Variants in RIMS2 observed in about 807,000 individuals in gnomAD.
RIMS2 encodes regulating synaptic membrane exocytosis 2, also known as regulating synaptic membrane exocytosis protein 2.
A neutral mutation model predicts 174.4 loss-of-function variants in RIMS2; 59 were observed. The observed-to-expected ratio is 0.34, with a 90% CI of 0.27 to 0.42. RIMS2 has a LOEUF of 0.42. Among genes scored for constraint, RIMS2 ranks in the 10% least tolerant of loss-of-function variants. The probability of loss-of-function intolerance (pLI) is 1.00; values close to 1 mark genes in which losing one functional copy is unlikely to be tolerated. For synonymous variants in RIMS2, 606 were observed against 572.5 expected (o/e 1.06, Z -0.84); for missense variants, 1,620 against 1,666.3 (o/e 0.97, Z 0.48).
At chr8:104,055,742 G>T (rs1351493715) in intron 19 of RIMS2, among the ~76,000 whole-genome samples, 1 of 152,110 alleles carries the variant, frequency 6.6e-6, no homozygotes, top group Admixed American at 6.5e-5. Flanking sequence ...TGAAGCATTT[G>T]CACTTTAGCC....
intron 19 of RIMS2, among the ~76,000 whole-genome samples, chr8:104,035,591 T>C (rs2096496804): frequency 1.3e-5 from 2 of 151,990 alleles, no homozygotes; most frequent in Non-Finnish European, 2.9e-5. Flanking sequence ...ATTAAGTATT[T>C]TGTTAGTGAA....
intron 19 of RIMS2, among the ~76,000 whole-genome samples, chr8:104,163,133 C>T (rs1230423026): frequency 6.6e-6 from 1 of 152,138 alleles, no homozygotes; most frequent in Non-Finnish European, 1.5e-5. Flanking sequence ...TGAAAACTGT[C>T]TGGCATTGCA....
rs1185070382 is a variant in RIMS2 at position 103,623,625 on chromosome 8, C to T, written c.177-73461C>T. On this transcript the variant is annotated intron_variant, in intron 1 of 23. Transcript: ENST00000504942. ...TCAGCCTCCCGAGTAGCTGGGACTACAGGCGCCCGCCACCACGCCCGGCTA... is the reference window on the plus strand; with the variant it reads ...TCAGCCTCCCGAGTAGCTGGGACTATAGGCGCCCGCCACCACGCCCGGCTA... 5.3e-5 allele frequency among the ~76,000 whole-genome samples: 8 copies of T among 150,662 alleles called. No homozygotes were observed. In the South Asian group the frequency reaches 6.3e-4, roughly 12 times the overall value.
intron 3 of RIMS2, among the ~76,000 whole-genome samples, chr8:103,818,655 T>C (rs2098732957): frequency 6.6e-6 from 1 of 152,192 alleles, no homozygotes; most frequent in African/African-American, 2.4e-5. Flanking sequence ...AGGTGAATTT[T>C]AATTGAAAAG....
chr8:104,056,493 C>G (rs956686190), intron 19 of RIMS2, among the ~76,000 whole-genome samples: 1 of 152,100 alleles, frequency 6.6e-6, no homozygotes, highest in Non-Finnish European at 1.5e-5. Context: ...ATTTTATGCT[C>G]AGAAAGTGAC....
At chr8:104,127,906 C>T (rs909918713) in intron 19 of RIMS2, among the ~76,000 whole-genome samples, 2 of 152,188 alleles carry the variant, frequency 1.3e-5, no homozygotes, top group Admixed American at 6.5e-5. Context: ...CCAAAAGCAG[C>T]ATCTCATTTC....
chr8:103,903,050 C>A (rs956799159), intron 4 of RIMS2, among the ~76,000 whole-genome samples: 1 of 151,892 alleles, frequency 6.6e-6, no homozygotes, highest in African/African-American at 2.4e-5. Context: ...TTAAATGTTC[C>A]CTACCTAATT....
chr8:103,918,449 C>A, exon 9 of RIMS2: 2 of 1,573,828 alleles, frequency 1.3e-6, no homozygotes, highest in Non-Finnish European at 1.7e-6. Flanking sequence ...AGAGATATAC[C>A]GCGAATACCT....
At chr8:104,106,434 A>G (rs1173034189) in intron 19 of RIMS2, among the ~76,000 whole-genome samples, 1 of 151,220 alleles carries the variant, frequency 6.6e-6, no homozygotes, top group East Asian at 2.0e-4. Context: ...TACATTAAAA[A>G]TGTTCATTAT....
At chr8:104,163,876 G>A (rs2098779946) in intron 19 of RIMS2, among the ~76,000 whole-genome samples, 1 of 152,092 alleles carries the variant, frequency 6.6e-6, no homozygotes, top group African/African-American at 2.4e-5. Flanking sequence ...ATGGGGAAAT[G>A]TTCTGATGAG....
rs540771173 is a variant in RIMS2, at chr8:103,891,921, C to T, written c.1624+5698C>T. Among the ~76,000 whole-genome samples, 3 of 152,036 alleles carry T rather than the reference C, an allele frequency of 2.0e-5. No homozygotes were observed. In the East Asian group the frequency reaches 5.8e-4, roughly 30 times the overall value. On this transcript the variant is annotated intron_variant, in intron 4 of 23. Coordinates refer to ENST00000504942, the Ensembl canonical transcript of RIMS2. ...CTTTTAAAACAAACCCAAAAGATGT[C>T]GGCTTTGTATTTGTCTGAGTTTAGA...
At chr8:104,040,286 G>A (rs73295580) in intron 19 of RIMS2, among the ~76,000 whole-genome samples, 1,736 of 151,722 alleles carry the variant, frequency 0.011, 30 homozygotes, top group African/African-American at 0.039. Context: ...AGAATTTGTA[G>A]TATCTGATTC....
At chr8:103,517,383 C>G (rs913537955) in intron 1 of RIMS2, among the ~76,000 whole-genome samples, 1 of 152,028 alleles carries the variant, frequency 6.6e-6, no homozygotes, top group African/African-American at 2.4e-5. Flanking sequence ...TCCTATATTG[C>G]TAGGTGCATG....
intron 19 of RIMS2, among the ~76,000 whole-genome samples, chr8:104,067,674 G>A (rs9642999): frequency 0.73 from 111,123 of 152,018 alleles, 40,962 homozygotes; most frequent in East Asian, 0.88. Flanking sequence ...TTACAGGCAT[G>A]AGCCACTGTG....
chr8:103,871,713 CA>C (rs537220964), intron 3 of RIMS2, among the ~76,000 whole-genome samples: 18 of 151,996 alleles, frequency 1.2e-4, no homozygotes, highest in African/African-American at 3.9e-4. Flanking sequence ...ACTGTAGGAT[CA>C]GGGGTAGAAT....
intron 19 of RIMS2, among the ~76,000 whole-genome samples, chr8:104,101,431 C>G (rs1246265152): frequency 6.6e-6 from 1 of 152,006 alleles, no homozygotes; most frequent in Non-Finnish European, 1.5e-5. Flanking sequence ...GCCCGGCCTT[C>G]TTGGACTATA....
At chr8:104,101,832 A>G (rs2097909114) in intron 19 of RIMS2, among the ~76,000 whole-genome samples, 1 of 152,146 alleles carries the variant, frequency 6.6e-6, no homozygotes, top group Non-Finnish European at 1.5e-5. Context: ...TTATCAGGCA[A>G]ACTTTATTTA....
chr8:103,714,186 G>A (rs529360007), intron 2 of RIMS2, among the ~76,000 whole-genome samples: 160 of 152,230 alleles, frequency 1.1e-3, no homozygotes, highest in Middle Eastern at 6.8e-3. Flanking sequence ...CACATAATGG[G>A]TCAGTGAATT....
At chr8:104,252,718 A>T (rs2099362039), downstream of RIMS2, 1 of 152,206 alleles carries the variant, frequency 6.6e-6, no homozygotes. Context: ...TTTCTAGAAG[A>T]TACTTAAAAT....
Sources: gnomAD v4.1 joint callset for allele counts (sites outside exome capture counted in the v4.1 genomes callset) on GRCh38, gnomAD v4.1.1 for gene constraint, MANE v1.5 for transcripts, NCBI Gene and HGNC (gene_info 2026-07-23, HGNC 2026-07-21) for gene names.